IL1RAPL1: variants seen among roughly 807,000 people sequenced by gnomAD.
The protein encoded by IL1RAPL1 is interleukin-1 receptor accessory protein-like 1.
IL1RAPL1 carries 3 observed loss-of-function variants against 48.4 expected under a neutral mutation model. That is an observed-to-expected ratio of 0.06 (90% CI 0.03 to 0.16). The LOEUF is 0.16. Among genes scored for constraint, IL1RAPL1 ranks in the 10% least tolerant of loss-of-function variants. The pLI is 1.00. For synonymous variants in IL1RAPL1, 185 were observed against 187.7 expected (o/e 0.99, Z 0.12); for missense variants, 349 against 530.6 (o/e 0.66, Z 3.36).
intron 5 of IL1RAPL1, among the ~76,000 whole-genome samples, chrX:29,546,473 C>T (rs1342862014): frequency 9.0e-6 from 1 of 111,641 alleles, no homozygotes; most frequent in Non-Finnish European, 1.9e-5. Context: ...ATAAATATGA[C>T]ATAAAAATAT....
At chrX:29,529,354 G>A (rs1292094682) in intron 5 of IL1RAPL1, among the ~76,000 whole-genome samples, 1 of 111,220 alleles carries the variant, frequency 9.0e-6, no homozygotes, top group Non-Finnish European at 1.9e-5. Flanking sequence ...AGCACTTTGG[G>A]GGTCTGAGGT....
chrX:28,876,086 T>C (rs1922365061), intron 2 of IL1RAPL1, among the ~76,000 whole-genome samples: 1 of 111,785 alleles, frequency 8.9e-6, no homozygotes. Flanking sequence ...ATGCTTCTTG[T>C]ACAGCCTACA....
chrX:28,868,363 C>T (rs1922129751), intron 2 of IL1RAPL1, among the ~76,000 whole-genome samples: 1 of 111,699 alleles, frequency 9.0e-6, no homozygotes, highest in South Asian at 3.7e-4. Context: ...GTGTTAAAGA[C>T]TGAATAAACT....
intron 2 of IL1RAPL1, among the ~76,000 whole-genome samples, chrX:28,949,025 ATTG>A (rs765259872): frequency 4.2e-4 from 46 of 110,803 alleles, no homozygotes; most frequent in Non-Finnish European, 7.8e-4. Flanking sequence ...CTACTATATT[ATTG>A]TTATTATTAT....
chrX:29,413,162 T>A (rs903789032), intron 5 of IL1RAPL1, among the ~76,000 whole-genome samples: 6 of 110,981 alleles, frequency 5.4e-5, no homozygotes, highest in Non-Finnish European at 1.1e-4. Flanking sequence ...ACACGCTCTC[T>A]TGCCTGCTGC....
chrX:28,732,331 A>G (rs1365068351), intron 1 of IL1RAPL1, among the ~76,000 whole-genome samples: 1 of 111,883 alleles, frequency 8.9e-6, no homozygotes, highest in Non-Finnish European at 1.9e-5. Context: ...GTTGTGTAGT[A>G]CAACTTCATT....
intron 2 of IL1RAPL1, among the ~76,000 whole-genome samples, chrX:28,996,170 G>T (rs1032241102): frequency 9.0e-6 from 1 of 111,052 alleles, no homozygotes; most frequent in Non-Finnish European, 1.9e-5. Flanking sequence ...TGTCTTTATG[G>T]ATATGCTTAG....
At chrX:29,099,904 G>A (rs930072988) in intron 2 of IL1RAPL1, among the ~76,000 whole-genome samples, 4 of 110,960 alleles carry the variant, frequency 3.6e-5, no homozygotes, top group Admixed American at 2.9e-4. Flanking sequence ...ATATTTATAT[G>A]AGTTTCTCTC....
chrX:29,802,767 A>ATATG (rs1484416361), intron 6 of IL1RAPL1, among the ~76,000 whole-genome samples: 7 of 27,045 alleles, frequency 2.6e-4, no homozygotes, highest in African/African-American at 7.1e-4. Context: ...ATATATATAT[A>ATATG]TATATATATA....
At chrX:28,866,071 G>A (rs1922069953) in intron 2 of IL1RAPL1, among the ~76,000 whole-genome samples, 1 of 111,946 alleles carries the variant, frequency 8.9e-6, no homozygotes, top group Non-Finnish European at 1.9e-5. Flanking sequence ...ACGGGACTTA[G>A]GAAGGTTATT....
intron 6 of IL1RAPL1, among the ~76,000 whole-genome samples, chrX:29,837,272 A>AAAAAATATAT (rs1447926305): frequency 1.4e-5 from 1 of 72,146 alleles, no homozygotes; most frequent in Non-Finnish European, 2.4e-5. Context: ...AAAAAAAAAA[A>AAAAAATATAT]ATATATATAT....
At chrX:28,747,610 C>T (rs183912416) in intron 1 of IL1RAPL1, among the ~76,000 whole-genome samples, 6 of 111,895 alleles carry the variant, frequency 5.4e-5, no homozygotes, top group South Asian at 3.7e-4. Context: ...TACTGCATCC[C>T]GGCCTGGGCG....
chrX:29,424,866 G>T, intron 5 of IL1RAPL1, among the ~76,000 whole-genome samples: 1 of 111,715 alleles, frequency 9.0e-6, no homozygotes, highest in Admixed American at 9.5e-5. Context: ...ACTAATAAAT[G>T]GTGATGGTTA....
At chrX:29,211,735 G>A (rs180949868) in intron 2 of IL1RAPL1, among the ~76,000 whole-genome samples, 125 of 110,880 alleles carry the variant, frequency 1.1e-3, no homozygotes, top group African/African-American at 3.9e-3. Flanking sequence ...TTCCTAATCC[G>A]TACGAGACTG....
At chrX:29,249,694 A>C (rs1227683337) in intron 2 of IL1RAPL1, among the ~76,000 whole-genome samples, 1 of 111,938 alleles carries the variant, frequency 8.9e-6, no homozygotes, top group Admixed American at 9.6e-5. Context: ...TATAGCAGTT[A>C]TAGATTACAA....
intron 2 of IL1RAPL1, among the ~76,000 whole-genome samples, chrX:29,059,921 C>T (rs1927304447): frequency 9.0e-6 from 1 of 111,483 alleles, no homozygotes; most frequent in South Asian, 3.8e-4. Flanking sequence ...CCTTGAGTAT[C>T]AGATGTCTCT....
At chrX:29,444,368 A>G (rs1280890536) in intron 5 of IL1RAPL1, among the ~76,000 whole-genome samples, 1 of 108,917 alleles carries the variant, frequency 9.2e-6, no homozygotes, top group Non-Finnish European at 1.9e-5. Context: ...GAAAAGAAAG[A>G]AAAGAAAAGA....
chrX:29,948,842 AAAAG>A (rs1933260387), intron 9 of IL1RAPL1, among the ~76,000 whole-genome samples: 1 of 99,008 alleles, frequency 1.0e-5, no homozygotes, highest in African/African-American at 3.9e-5. Flanking sequence ...AACAAAAAAA[AAAAG>A]AAAAAAAAAA....
In IL1RAPL1 at chrX:29,006,649, G is replaced by A. The variant is rs111836180; in HGVS notation, c.82+217224G>A. ...CACATTTGTGTGTGTTTATATATAT[G>A]TGTGTGTGTGTGTGTGTGTGTGTGT... On this transcript the variant is annotated intron_variant, in intron 2 of 10. Transcript: ENST00000378993. 3.5e-3 allele frequency among the ~76,000 whole-genome samples: 144 copies of A among 41,199 alleles called. 1 individual carries two copies. Among genetic ancestry groups the A allele is most frequent in the African/African-American group, 0.012 (108 of 9,046 alleles). 35.8% of individuals were successfully genotyped at this position (41,199 alleles called of 115,157 possible).
Sources: gnomAD v4.1 joint callset for allele counts (sites outside exome capture counted in the v4.1 genomes callset) on GRCh38, gnomAD v4.1.1 for gene constraint, MANE v1.5 for transcripts, NCBI Gene and HGNC (gene_info 2026-07-23, HGNC 2026-07-21) for gene names.